The following GPR137C variants were observed in gnomAD, a reference collection of about 807,000 sequenced individuals.
GPR137C encodes G protein-coupled receptor 137C, also known as integral membrane protein GPR137C.
Under a neutral mutation model 43.4 loss-of-function variants are expected in GPR137C, and 27 were observed. That is an observed-to-expected ratio of 0.62 (90% CI 0.46 to 0.86). The LOEUF is 0.86. Ranked by LOEUF, GPR137C falls within the 40% of genes least tolerant of loss-of-function variation. GPR137C has a pLI of 0.00. For missense variants in GPR137C, 522 were observed against 534.6 expected (o/e 0.98, Z 0.23); for synonymous variants, 285 against 226.9 (o/e 1.26, Z -2.30).
chr14:52,562,554 T>C (rs2038301562), intron 1 of GPR137C, among the ~76,000 whole-genome samples: 1 of 152,108 alleles, frequency 6.6e-6, no homozygotes, highest in African/African-American at 2.4e-5. Flanking sequence ...GCCCAGGAGA[T>C]TGAGTCCAGG....
intron 6 of GPR137C, among the ~76,000 whole-genome samples, chr14:52,634,689 A>G (rs986842413): frequency 4.6e-5 from 7 of 152,146 alleles, no homozygotes; most frequent in African/African-American, 1.7e-4. Context: ...TCATCTGACA[A>G]TCAAGTTCTA....
Position 52,553,322 on chromosome 14 carries a change from G to A in GPR137C, c.175G>A (p.Ala59Thr), listed in dbSNP as rs1251367290. 6.3e-7 allele frequency: 1 copy of A among 1,589,162 alleles called. No homozygotes were observed. Among genetic ancestry groups the A allele is most frequent in the East Asian group, 2.3e-5 (1 of 44,132 alleles). Residue 59 changes from alanine (A) to threonine (T), a missense_variant, in exon 1 of 7, where the codon GCG (alanine) becomes ACG (threonine). By Grantham distance (58) the Ala-to-Thr change is moderately conservative. Coordinates refer to ENST00000321662, the MANE Select transcript of GPR137C (RefSeq NM_001099652.2). Reference protein sequence around the residue: ...LSVLHALLYAALFAFAYLQLW... With the variant: ...LSVLHALLYATLFAFAYLQLW... ...CGTCCTGCACGCCCTGCTCTACGCC[G>A]CGCTGTTCGCCTTTGCCTACCTGCA... is the stretch of plus-strand genomic sequence containing the variant.
intron 1 of GPR137C, among the ~76,000 whole-genome samples, chr14:52,578,944 CAAA>C (rs564809341): frequency 4.3e-5 from 4 of 93,900 alleles, no homozygotes; most frequent in Non-Finnish European, 2.3e-5. Flanking sequence ...GACTCCGTCT[CAAA>C]AAAAAAAAAA....
In GPR137C at chr14:52,609,796, G is replaced by T. The variant is rs76223563; in HGVS notation, c.717+9455G>T. On this transcript the variant is annotated intron_variant, in intron 3 of 6. Transcript: ENST00000321662. The stretch of plus-strand genomic sequence containing the variant: ...AAAACTGTCCCAGTGGCCCAGATGG[G>T]TGTGCCTCCCAGCAGGTATTTACAC... Among the ~76,000 whole-genome samples, 1,168 of 152,308 alleles carry T rather than the reference G, an allele frequency of 7.7e-3. 16 individuals carry two copies. Among genetic ancestry groups the T allele is most frequent in the African/African-American group, 0.027 (1,112 of 41,556 alleles).
At position 52,632,459 on chromosome 14, in the gene GPR137C, CTT is replaced by C. The variant is rs1418455091; in HGVS notation, c.867+152_867+153del. Reference sequence around the variant, plus strand: ...TACTTAAAGCTTTGTGTTTAAAAATCTTTATGTACGTGTGACATTTGAAATCA... The same window carrying C: ...TACTTAAAGCTTTGTGTTTAAAAATCTATGTACGTGTGACATTTGAAATCA... On this transcript the variant is annotated intron_variant, in intron 4 of 6. Coordinates refer to ENST00000321662, the MANE Select transcript of GPR137C (RefSeq NM_001099652.2). 5 of 550,304 alleles carry C rather than the reference CTT, an allele frequency of 9.1e-6. No individual in the cohort carries two copies. In the African/African-American group the frequency reaches 9.7e-5, roughly 11 times the overall value. 34.1% of individuals were successfully genotyped at this position (550,304 alleles called of 1,614,324 possible).
intron 3 of GPR137C, chr14:52,612,372 T>C: frequency 1.1e-6 from 1 of 934,272 alleles, no homozygotes; most frequent in Non-Finnish European, 1.3e-6. Context: ...ATTCTTATCC[T>C]ACTGATAGGC....
chr14:52,624,931 A>C (rs1409492092), intron 3 of GPR137C, among the ~76,000 whole-genome samples: 1 of 152,184 alleles, frequency 6.6e-6, no homozygotes, highest in Non-Finnish European at 1.5e-5. Flanking sequence ...AGACAAGAGG[A>C]TATATGAACA....
chr14:52,616,446 ACCACGC>A (rs2039100154), intron 3 of GPR137C, among the ~76,000 whole-genome samples: 1 of 152,152 alleles, frequency 6.6e-6, no homozygotes, highest in African/African-American at 2.4e-5. Flanking sequence ...GGCATGAGCC[ACCACGC>A]CCAGGCTAAT....
chr14:52,606,640 C>T (rs2038986573), intron 3 of GPR137C, among the ~76,000 whole-genome samples: 1 of 152,054 alleles, frequency 6.6e-6, no homozygotes, highest in Non-Finnish European at 1.5e-5. Flanking sequence ...CTATGTTGTC[C>T]AGGCTGCTAA....
intron 1 of GPR137C, among the ~76,000 whole-genome samples, chr14:52,581,586 T>C (rs1477411972): frequency 6.6e-6 from 1 of 151,960 alleles, no homozygotes; most frequent in East Asian, 1.9e-4. Context: ...ATTTATTCAA[T>C]TTATGGCTAA....
At chr14:52,569,550 A>C (rs969938990) in intron 1 of GPR137C, among the ~76,000 whole-genome samples, 4 of 152,008 alleles carry the variant, frequency 2.6e-5, no homozygotes, top group African/African-American at 9.7e-5. Flanking sequence ...CCTTGAAAAA[A>C]GGTTAGAGGA....
Position 52,553,024 on chromosome 14 carries a change from C to T in GPR137C, c.-124C>T, listed in dbSNP as rs2038103147. 1 of 369,484 alleles carries T rather than the reference C, an allele frequency of 2.7e-6. No individual in the cohort carries two copies. The highest frequency in any genetic ancestry group is 3.9e-6 in the Non-Finnish European group (1 of 256,042). 22.9% of individuals were successfully genotyped at this position (369,484 alleles called of 1,614,324 possible). A position where few individuals can be genotyped will look rare whatever the true frequency, so the allele number is the denominator to read the frequency against. ...CGCTGGACTCCGGGTCCCGTCACGG[C>T]GCTTCCTGGGGTTAGAGGCTGGGGT... On this transcript the variant is annotated 5_prime_UTR_variant, in exon 1 of 7. Coordinates refer to ENST00000321662, the MANE Select transcript of GPR137C (RefSeq NM_001099652.2).
chr14:52,590,030 A>T (rs538738792), intron 1 of GPR137C, among the ~76,000 whole-genome samples: 1 of 152,282 alleles, frequency 6.6e-6, no homozygotes, highest in East Asian at 1.9e-4. Context: ...TAGGTCCTTC[A>T]GGAAGTATTC....
intron 1 of GPR137C, among the ~76,000 whole-genome samples, chr14:52,576,093 ACT>A (rs1156362716): frequency 6.6e-6 from 1 of 152,198 alleles, no homozygotes; most frequent in Non-Finnish European, 1.5e-5. Flanking sequence ...CTGCACCGTA[ACT>A]CACATTGTTA....
chr14:52,583,829 C>T (rs1274900372), intron 1 of GPR137C, among the ~76,000 whole-genome samples: 1 of 152,156 alleles, frequency 6.6e-6, no homozygotes, highest in Admixed American at 6.5e-5. Context: ...GATAACCCAT[C>T]TAATGTCTCA....
chr14:52,632,358 A>G (rs761317311), intron 4 of GPR137C, 49 bp downstream of exon 4: 9 of 1,350,974 alleles, frequency 6.7e-6, no homozygotes, highest in Non-Finnish European at 9.3e-6. Flanking sequence ...TAATTAACTT[A>G]CCCTCATCTA....
At chr14:52,606,768 T>A (rs754896807) in intron 3 of GPR137C, among the ~76,000 whole-genome samples, 12 of 152,186 alleles carry the variant, frequency 7.9e-5, no homozygotes, top group Non-Finnish European at 1.8e-4. Flanking sequence ...CTCTTTTGTA[T>A]TTTTTTAAGT....
rs1409546131 is a variant in GPR137C at position 52,553,055 on chromosome 14, G to T, written c.-93G>T. The T allele has an allele frequency of 2.7e-5, 16 of 595,862 alleles. No individual in the cohort carries two copies. Among genetic ancestry groups the T allele is most frequent in the Non-Finnish European group, 3.6e-5 (16 of 449,608 alleles). The allele number at this position is 595,862 out of a possible 1,614,324, so 36.9% of individuals were successfully genotyped here. A position where few individuals can be genotyped will look rare whatever the true frequency, so the allele number is the denominator to read the frequency against. ...CTGGGGTTAGAGGCTGGGGTGGGTG[G>T]GGGGTAAGGGGGCAGTCCTTCTCCC... On this transcript the variant is annotated 5_prime_UTR_variant, in exon 1 of 7. Transcript: ENST00000321662.
chr14:52,562,527 G>A (rs2038301165), intron 1 of GPR137C, among the ~76,000 whole-genome samples: 1 of 152,178 alleles, frequency 6.6e-6, no homozygotes, highest in Admixed American at 6.5e-5. Flanking sequence ...GGAGGCTGAG[G>A]CAGGAGGATC....
Sources: gnomAD v4.1 joint callset for allele counts (sites outside exome capture counted in the v4.1 genomes callset) on GRCh38, gnomAD v4.1.1 for gene constraint, MANE v1.5 for transcripts, NCBI Gene and HGNC (gene_info 2026-07-23, HGNC 2026-07-21) for gene names.